Variants in CRYGA observed in about 807,000 individuals in gnomAD.
CRYGA encodes gamma-crystallin A.
A neutral mutation model predicts 13.8 loss-of-function variants in CRYGA; 11 were observed. That is an observed-to-expected ratio of 0.80 (90% confidence interval 0.50 to 1.32). The LOEUF (loss-of-function observed/expected upper bound fraction) is 1.32. Among genes scored for constraint, CRYGA ranks in the 40% most tolerant of loss-of-function variants. The pLI, the probability that CRYGA is intolerant of heterozygous loss-of-function variation, is 0.00. For synonymous variants in CRYGA, 97 were observed against 89.3 expected, an observed-to-expected ratio of 1.09 and a Z score of -0.48; for missense variants, 271 against 234.1, an observed-to-expected ratio of 1.16 and a Z score of -1.03.
At chr2:208,162,095 C>G (rs369507981) in intron 2 of CRYGA, among the ~76,000 whole-genome samples, 7 of 152,084 alleles carry the variant, frequency 4.6e-5, no homozygotes, top group Admixed American at 2.0e-4. Flanking sequence ...CACCACCATG[C>G]CTGGCTAATG....
At chr2:208,162,574 A>G (rs1695779725) in intron 2 of CRYGA, among the ~76,000 whole-genome samples, 1 of 152,126 alleles carries the variant, frequency 6.6e-6, no homozygotes, top group Non-Finnish European at 1.5e-5. Flanking sequence ...AATAATTATC[A>G]TGGCCGGGCG....
Position 208,161,070 on chromosome 2 carries a change from A to G in CRYGA, c.259T>C (p.Ser87Pro). 2.5e-6 allele frequency: 4 copies of G among 1,613,990 alleles called. No individual in the cohort carries two copies. The highest frequency in any genetic ancestry group is 3.4e-6 in the Non-Finnish European group (4 of 1,179,858). Residue 87 changes from serine (S) to proline (P), a missense_variant, in exon 3 of 3, where the codon TCG (serine) becomes CCG (proline). Ser to Pro is a moderately conservative substitution (Grantham distance 74). Transcript: ENST00000304502. Reference protein sequence around the residue: ...QSCRIIPHTSSHKLRLYERDD... With the variant: ...QSCRIIPHTSPHKLRLYERDD... Reference sequence around the variant, plus strand: ...CTCTCGTACAGCCTTAACTTGTGCGAGCTGGTCTGTCATGGCAATAAACAA... The same window carrying G: ...CTCTCGTACAGCCTTAACTTGTGCGGGCTGGTCTGTCATGGCAATAAACAA...
chr2:208,161,213 C>A, intron 2 of CRYGA, 137 bp from the exon 3 acceptor site: 1 of 882,102 alleles, frequency 1.1e-6, no homozygotes, highest in South Asian at 1.8e-5. Flanking sequence ...TGCTGTGTTG[C>A]CCAGGCTGGA....
At chr2:208,162,005 C>T (rs911870525) in intron 2 of CRYGA, among the ~76,000 whole-genome samples, 4 of 152,124 alleles carry the variant, frequency 2.6e-5, no homozygotes, top group Admixed American at 6.6e-5. Context: ...GGCATGATCT[C>T]GGCTCACTGC....
rs745601613 is a variant in CRYGA at position 208,163,319 on chromosome 2, T to C, written c.137A>G (p.Tyr46Cys). 1.9e-5 allele frequency: 31 copies of C among 1,613,984 alleles called. No individual in the cohort carries two copies. Among genetic ancestry groups the C allele is most frequent in the Non-Finnish European group, 2.5e-5 (29 of 1,179,994 alleles). Reference protein sequence around the residue: ...IRVDSGCWMLYERPNYQGHQY... With the variant: ...IRVDSGCWMLCERPNYQGHQY... ...GTGGCCCTGGTAATTGGGACGCTCA[T>C]AGAGCATCCAGCAGCCGCTGTCTAC... is the stretch of plus-strand genomic sequence containing the variant. The change falls in exon 2 of 3, where the codon TAT becomes TGT. Residue 46 changes from tyrosine (Y) to cysteine (C), a missense_variant. By Grantham distance (194) the Tyr-to-Cys change is radical. Transcript: ENST00000304502.
chr2:208,163,529 A>G lies in CRYGA; in HGVS notation c.9+19T>C. Reference sequence around the variant, plus strand: ...CACAGACCCCCAATAGACATGGCACAGCACCTCCACAGGCTCACCTTCCCC... The same window carrying G: ...CACAGACCCCCAATAGACATGGCACGGCACCTCCACAGGCTCACCTTCCCC... On this transcript the variant is annotated intron_variant, in intron 1 of 2. Coordinates refer to ENST00000304502, the MANE Select transcript of CRYGA (RefSeq NM_014617.4). 1 of 1,611,378 alleles carries G rather than the reference A, an allele frequency of 6.2e-7. No individual in the cohort carries two copies. Among genetic ancestry groups the G allele is most frequent in the South Asian group, 1.1e-5 (1 of 90,808 alleles).
At chr2:208,162,270 A>G (rs1186062951) in intron 2 of CRYGA, among the ~76,000 whole-genome samples, 2 of 152,176 alleles carry the variant, frequency 1.3e-5, no homozygotes, top group Non-Finnish European at 2.9e-5. Context: ...TTGTCACACT[A>G]CATAATTTGG....
chr2:208,163,420 A>T lies in CRYGA; in HGVS notation c.36T>A (p.Phe12Leu). ...GKITFYEDRD[F>L]QGRCYNCISD... ...TGATGCAATTGTAGCAGCGACCCTG[A>T]AAGTCTCGGTCCTCGTAGAAGGTGA... The change falls in exon 2 of 3, where the codon TTT (phenylalanine) becomes TTA (leucine). Residue 12 changes from phenylalanine (F) to leucine (L), a missense_variant. Coordinates refer to ENST00000304502, the MANE Select transcript of CRYGA (RefSeq NM_014617.4). 1 of 1,613,780 alleles carries T rather than the reference A, an allele frequency of 6.2e-7. No individual in the cohort carries two copies. Among genetic ancestry groups the T allele is most frequent in the Non-Finnish European group, 8.5e-7 (1 of 1,179,970 alleles).
intron 1 of CRYGA, 45 bp downstream of exon 1, chr2:208,163,503 C>T: frequency 6.2e-7 from 1 of 1,612,110 alleles, no homozygotes. Context: ...TCCCCACACA[C>T]CACAGACCCC....
In CRYGA at chr2:208,160,914, A is replaced by G. The variant is rs369277397; in HGVS notation, c.415T>C (p.Tyr139His). ...CTCAGCAGATACTGCCGCCCCCGGTAGTTGGGCATTTCATAGAGGACCCAG... is the reference window on the plus strand; with the variant it reads ...CTCAGCAGATACTGCCGCCCCCGGTGGTTGGGCATTTCATAGAGGACCCAG... ...GCWVLYEMPN[Y>H]RGRQYLLRPG... is the part of the protein sequence containing the mutation. Residue 139 changes from tyrosine (Y) to histidine (H), a missense_variant, in exon 3 of 3, where the codon TAC (tyrosine) becomes CAC (histidine). Transcript: ENST00000304502. The G allele has an allele frequency of 6.2e-7, 1 of 1,612,900 alleles. No individual in the cohort carries two copies. Among genetic ancestry groups the G allele is most frequent in the Non-Finnish European group, 8.5e-7 (1 of 1,179,140 alleles).
At chr2:208,161,574 G>A (rs1304705243) in intron 2 of CRYGA, among the ~76,000 whole-genome samples, 1 of 152,126 alleles carries the variant, frequency 6.6e-6, no homozygotes, top group African/African-American at 2.4e-5. Flanking sequence ...ATATTAAAAC[G>A]AATCTGACCT....
intron 2 of CRYGA, 57 bp downstream of exon 2, chr2:208,163,147 A>T: frequency 6.8e-7 from 1 of 1,469,984 alleles, no homozygotes; most frequent in Middle Eastern, 2.4e-4. Context: ...ATAAACAGGA[A>T]TTGATGGCCA....
chr2:208,163,441 G>A lies in CRYGA; in HGVS notation c.15C>T (p.Thr5=). The change falls in exon 2 of 3, where the codon ACC becomes ACT. Residue 5 remains threonine (T), a synonymous_variant. Transcript: ENST00000304502. The part of the protein sequence containing the change: MGKI[T]FYEDRDFQGR... ...CCTGAAAGTCTCGGTCCTCGTAGAAGGTGATCTGAGGTAGAAATAAGGTGA... is the reference window on the plus strand; with the variant it reads ...CCTGAAAGTCTCGGTCCTCGTAGAAAGTGATCTGAGGTAGAAATAAGGTGA... 6.2e-7 allele frequency: 1 copy of A among 1,613,584 alleles called. No individual in the cohort carries two copies. The highest frequency in any genetic ancestry group is 8.5e-7 in the Non-Finnish European group (1 of 1,179,950).
At position 208,160,810 on chromosome 2, in the gene CRYGA, C is replaced by G. The variant is rs1289686608; in HGVS notation, c.519G>C (p.Leu173Phe). 3 of 1,602,826 alleles carry G rather than the reference C, an allele frequency of 1.9e-6. No homozygotes were observed. Among genetic ancestry groups the G allele is most frequent in the Admixed American group, 1.7e-5 (1 of 59,866 alleles). Residue 173 changes from leucine (L) to phenylalanine (F), a missense_variant, in exon 3 of 3, where the codon TTG becomes TTC. Coordinates refer to ENST00000304502, the MANE Select transcript of CRYGA (RefSeq NM_014617.4). ...ACAACAAGGCAGGCACAGCTTAGTA[C>G]AAATCGGTGACCCGTCTCAAAGAGC... is the stretch of plus-strand genomic sequence containing the variant. The part of the protein sequence containing the change: ...KVGSLRRVTD[L>F]Y
chr2:208,162,617 G>T (rs944998883), intron 2 of CRYGA, among the ~76,000 whole-genome samples: 2 of 12,188 alleles, frequency 1.6e-4, no homozygotes, highest in African/African-American at 4.5e-4. Context: ...TAGCACTTTG[G>T]GAGGCCGAGG....
rs757259678 is a variant in CRYGA, at chr2:208,160,881, C to T, written c.448G>A (p.Asp150Asn). 1.4e-5 allele frequency: 23 copies of T among 1,612,316 alleles called. No homozygotes were observed. The East Asian group carries it at 4.5e-4, about 31-fold the overall frequency. The change falls in exon 3 of 3, where the codon GAC becomes AAC. Residue 150 changes from aspartate to asparagine, a missense_variant. By Grantham distance (23) the Asp-to-Asn change is conservative. Coordinates refer to ENST00000304502, the MANE Select transcript of CRYGA (RefSeq NM_014617.4). The part of the protein sequence containing the change: ...RGRQYLLRPG[D>N]YRRYHDWGGA... ...CCCCAGTCGTGGTACCTTCTGTAGT[C>T]CCCAGGCCTCAGCAGATACTGCCGC...
intron 2 of CRYGA, among the ~76,000 whole-genome samples, chr2:208,162,675 A>C (rs1695782042): frequency 6.6e-6 from 1 of 151,650 alleles, no homozygotes; most frequent in Non-Finnish European, 1.5e-5. Context: ...CTCTGTCTCT[A>C]CTAAAAATAC....
chr2:208,161,326 T>C (rs765255180), intron 2 of CRYGA, among the ~76,000 whole-genome samples: 7 of 114,456 alleles, frequency 6.1e-5, no homozygotes, highest in African/African-American at 1.4e-4. Context: ...GTGTGCACTG[T>C]GACACCCGGC....
chr2:208,163,187 G>GT lies in CRYGA; in HGVS notation c.252+16dup. ...TCATTGATGCTTTCACATCAGTCAA[G>GT]TTGAAGCAAGACTCACATGAGGAAT... On this transcript the variant is annotated intron_variant, in intron 2 of 2. Coordinates refer to ENST00000304502, the MANE Select transcript of CRYGA (RefSeq NM_014617.4). 1 of 1,604,590 alleles carries GT rather than the reference G, an allele frequency of 6.2e-7. No homozygotes were observed. The highest frequency in any genetic ancestry group is 8.5e-7 in the Non-Finnish European group (1 of 1,173,074).
Sources: allele counts gnomAD v4.1 joint callset (sites outside exome capture counted in the v4.1 genomes callset), GRCh38; gene constraint gnomAD v4.1.1; transcripts MANE v1.5; gene names NCBI Gene and HGNC (gene_info 2026-07-23, HGNC 2026-07-21).